ABTB3: variants seen among roughly 807,000 people sequenced by gnomAD.
The protein encoded by ABTB3 is ankyrin repeat- and BTB/POZ domain-containing protein 3.
At chr12:107,577,622 A>G in the ABTB3 span, among the ~76,000 whole-genome samples, 1 of 152,034 alleles carries the variant, frequency 6.6e-6, no homozygotes, top group Non-Finnish European at 1.5e-5. Flanking sequence ...TTCCTTCCAG[A>G]GCCTCTAGTC....
chr12:107,363,437 TAAAG>T, the ABTB3 span, among the ~76,000 whole-genome samples: 1 of 152,222 alleles, frequency 6.6e-6, no homozygotes, highest in African/African-American at 2.4e-5. Flanking sequence ...ATGAATCTGT[TAAAG>T]AAATAATTTT....
At chr12:107,591,513 G>A in the ABTB3 span, among the ~76,000 whole-genome samples, 11 of 152,080 alleles carry the variant, frequency 7.2e-5, no homozygotes, top group Non-Finnish European at 1.2e-4. Flanking sequence ...TCACTATCAC[G>A]AGAACAGCAA....
chr12:107,523,142 C>T, the ABTB3 span, among the ~76,000 whole-genome samples: 1 of 152,202 alleles, frequency 6.6e-6, no homozygotes, highest in African/African-American at 2.4e-5. Context: ...CAAAATGCAA[C>T]TTCCACTTCT....
At chr12:107,565,294 G>C in the ABTB3 span, among the ~76,000 whole-genome samples, 4 of 152,074 alleles carry the variant, frequency 2.6e-5, no homozygotes, top group Non-Finnish European at 4.4e-5. Context: ...ATCTTTGTTC[G>C]CTGATTTTTT....
chr12:107,571,038 A>G, the ABTB3 span, among the ~76,000 whole-genome samples: 1 of 152,198 alleles, frequency 6.6e-6, no homozygotes, highest in Non-Finnish European at 1.5e-5. Context: ...CTGTACCTCT[A>G]TTTTATTATC....
chr12:107,359,784 A>G, the ABTB3 span, among the ~76,000 whole-genome samples: 2 of 152,144 alleles, frequency 1.3e-5, no homozygotes, highest in Non-Finnish European at 2.9e-5. Flanking sequence ...GACTTTAAGT[A>G]ACTTGCCCAA....
At chr12:107,330,693 C>T in the ABTB3 span, among the ~76,000 whole-genome samples, 1 of 152,314 alleles carries the variant, frequency 6.6e-6, no homozygotes, top group East Asian at 1.9e-4. Context: ...GATGTATTGT[C>T]TCCTCTAAAC....
chr12:107,542,545 A>G, the ABTB3 span, among the ~76,000 whole-genome samples: 1 of 152,150 alleles, frequency 6.6e-6, no homozygotes, highest in African/African-American at 2.4e-5. Context: ...TATAAAAAGG[A>G]AAACGGGGCC....
chr12:107,512,391 A>G, the ABTB3 span, among the ~76,000 whole-genome samples: 1 of 152,212 alleles, frequency 6.6e-6, no homozygotes, highest in Non-Finnish European at 1.5e-5. Flanking sequence ...CATCTATGCT[A>G]TGTATCTGTA....
the ABTB3 span, among the ~76,000 whole-genome samples, chr12:107,496,286 G>A: frequency 6.6e-6 from 1 of 152,042 alleles, no homozygotes; most frequent in Non-Finnish European, 1.5e-5. Flanking sequence ...GCATCCCTCT[G>A]CCCCACTTTC....
the ABTB3 span, among the ~76,000 whole-genome samples, chr12:107,509,792 G>A: frequency 6.6e-6 from 1 of 152,212 alleles, no homozygotes; most frequent in South Asian, 2.1e-4. Flanking sequence ...GGGTTTCCAG[G>A]CTAGTGTACA....
At chr12:107,489,404 C>T in the ABTB3 span, among the ~76,000 whole-genome samples, 1 of 152,086 alleles carries the variant, frequency 6.6e-6, no homozygotes, top group Non-Finnish European at 1.5e-5. Flanking sequence ...CCTGTAATCC[C>T]AGATACTTGG....
At chr12:107,395,719 G>C in the ABTB3 span, among the ~76,000 whole-genome samples, 5 of 152,216 alleles carry the variant, frequency 3.3e-5, no homozygotes, top group Non-Finnish European at 5.9e-5. Flanking sequence ...CCCAGTGGGG[G>C]CCAGCTCTGG....
At chr12:107,520,143 G>C in the ABTB3 span, 2 of 840,928 alleles carry the variant, frequency 2.4e-6, no homozygotes, top group Non-Finnish European at 2.9e-6. Context: ...AACAAAGGGA[G>C]TGACCTGACC....
chr12:107,487,060 G>A, the ABTB3 span, among the ~76,000 whole-genome samples: 3 of 152,150 alleles, frequency 2.0e-5, no homozygotes, highest in African/African-American at 7.2e-5. Context: ...ATTCTATTGT[G>A]TTCTAAGAGA....
the ABTB3 span, among the ~76,000 whole-genome samples, chr12:107,389,846 TTGTGTGTGTGTGTG>T: frequency 7.8e-5 from 11 of 141,574 alleles, no homozygotes; most frequent in Admixed American, 6.3e-4. Flanking sequence ...GTGTGTGTGT[TTGTGTGTGTGTGTG>T]TGTGTGTGTG....
chr12:107,449,245 C>A, the ABTB3 span, among the ~76,000 whole-genome samples: 1 of 152,224 alleles, frequency 6.6e-6, no homozygotes, highest in African/African-American at 2.4e-5. Flanking sequence ...CTCTTCTCTG[C>A]AGATGGGATG....
chr12:107,320,169 C>T, the ABTB3 span: 62 of 1,337,736 alleles, frequency 4.6e-5, no homozygotes, highest in Admixed American at 1.1e-4. Context: ...TCTTCCCAGC[C>T]ACGCGCTGCT....
the ABTB3 span, among the ~76,000 whole-genome samples, chr12:107,581,566 G>A: frequency 6.6e-6 from 1 of 152,190 alleles, no homozygotes; most frequent in Admixed American, 6.5e-5. Flanking sequence ...TTTCTCTCTG[G>A]CTGTTCTCTC....
Sources: allele counts gnomAD v4.1 joint callset (sites outside exome capture counted in the v4.1 genomes callset), GRCh38; gene constraint gnomAD v4.1.1; transcripts MANE v1.5; gene names NCBI Gene and HGNC (gene_info 2026-07-23, HGNC 2026-07-21).